The following SNRK variants were observed in gnomAD, a reference collection of about 807,000 sequenced individuals.
SNRK encodes the protein SNF-related serine/threonine-protein kinase.
SNRK carries 3 observed loss-of-function variants against 48.2 expected under a neutral mutation model. That is an observed-to-expected ratio of 0.06 (90% CI 0.03 to 0.16). The LOEUF (loss-of-function observed/expected upper bound fraction) is 0.16, where lower values mean the gene tolerates loss of function less well. SNRK is among the 10% of genes least tolerant of loss of function. The pLI is 1.00. For missense variants in SNRK, 627 were observed against 976.0 expected (o/e 0.64, Z 4.76); for synonymous variants, 376 against 366.1 (o/e 1.03, Z -0.31).
chr3:43,318,792 G>A lies in SNRK; in HGVS notation c.590-13377G>A, dbSNP rs2091031859. Among the ~76,000 whole-genome samples the A allele has an allele frequency of 2.0e-5, 3 of 152,064 alleles. 1 individual carries two copies. Among genetic ancestry groups the A allele is most frequent in the South Asian group, 2.1e-4 (1 of 4,828 alleles). ...TTTAATCGCAGCACTTTGGGAGGCC[G>A]AGGCAGGTGAATCACATGAAGCCAG... On this transcript the variant is annotated intron_variant, in intron 3 of 6. Transcript: ENST00000296088.
intron 1 of SNRK, among the ~76,000 whole-genome samples, chr3:43,294,885 C>T (rs2090840683): frequency 6.6e-6 from 1 of 152,056 alleles, no homozygotes; most frequent in Non-Finnish European, 1.5e-5. Flanking sequence ...TTAAAATTCT[C>T]CATAACTTAA....
rs1040004988 is a variant in SNRK, at chr3:43,318,018, A to G, written c.590-14151A>G. Among the ~76,000 whole-genome samples the G allele has an allele frequency of 5.3e-5, 8 of 152,206 alleles. No individual in the cohort carries two copies. The South Asian group carries it at 6.2e-4, about 12-fold the overall frequency. ...CAGTGCTGCTGCTTTGGGAAACGTCATGGGATGCTTTATGTTTCTATGGTG... is the reference window on the plus strand; with the variant it reads ...CAGTGCTGCTGCTTTGGGAAACGTCGTGGGATGCTTTATGTTTCTATGGTG... On this transcript the variant is annotated intron_variant, in intron 3 of 6. Coordinates refer to ENST00000296088, the MANE Select transcript of SNRK (RefSeq NM_017719.5).
intron 3 of SNRK, among the ~76,000 whole-genome samples, chr3:43,304,953 A>C (rs1428104890): frequency 6.6e-6 from 1 of 152,180 alleles, no homozygotes; most frequent in Non-Finnish European, 1.5e-5. Flanking sequence ...TAATGGAGCC[A>C]TTCTAATCAG....
chr3:43,340,019 GA>G (rs1393822669), intron 4 of SNRK, among the ~76,000 whole-genome samples: 1 of 151,402 alleles, frequency 6.6e-6, no homozygotes, highest in Admixed American at 6.6e-5. Context: ...GTTAATTCAA[GA>G]ACAGATGTTG....
chr3:43,313,084 A>C (rs909564838), intron 3 of SNRK, among the ~76,000 whole-genome samples: 2 of 152,238 alleles, frequency 1.3e-5, no homozygotes, highest in Non-Finnish European at 2.9e-5. Flanking sequence ...AAGAACCTAG[A>C]ATAACTAAAA....
chr3:43,318,545 CTT>C (rs56922397), intron 3 of SNRK, among the ~76,000 whole-genome samples: 275 of 145,386 alleles, frequency 1.9e-3, no homozygotes, highest in Middle Eastern at 3.6e-3. Flanking sequence ...ATTAAATTTT[CTT>C]TTTTTTTTTT....
intron 3 of SNRK, among the ~76,000 whole-genome samples, chr3:43,317,146 A>G (rs1252427559): frequency 6.6e-6 from 1 of 152,250 alleles, no homozygotes; most frequent in Admixed American, 6.5e-5. Context: ...TAATATTTAT[A>G]TAAATTTCAA....
intron 4 of SNRK, among the ~76,000 whole-genome samples, chr3:43,335,854 T>C (rs2091183773): frequency 6.6e-6 from 1 of 152,220 alleles, no homozygotes; most frequent in Non-Finnish European, 1.5e-5. Context: ...CAGTCTGTGT[T>C]GTCTAATTTC....
intron 1 of SNRK, chr3:43,289,665 T>G (rs2090794796): frequency 6.5e-6 from 1 of 152,750 alleles, no homozygotes; most frequent in African/African-American, 2.4e-5. Context: ...TTGCTGGTGG[T>G]AGGGAAGGAA....
intron 3 of SNRK, among the ~76,000 whole-genome samples, chr3:43,304,712 C>CAAATGCAAATGCATTCATACACA (rs2090924119): frequency 6.6e-6 from 1 of 151,904 alleles, no homozygotes; most frequent in African/African-American, 2.4e-5. Flanking sequence ...GAGTATTCTG[C>CAAATGCAAATGCATTCATACACA]TTGCATTTGT....
intron 4 of SNRK, among the ~76,000 whole-genome samples, chr3:43,338,631 A>G (rs2125644044): frequency 6.6e-6 from 1 of 151,944 alleles, no homozygotes; most frequent in Non-Finnish European, 1.5e-5. Context: ...TCATTTTCTC[A>G]TTTCCCTCAC....
rs1342729138 is a variant in SNRK at position 43,349,456 on chromosome 3, A to C, written c.*899A>C. ...ACAGAAGGTGCACACAAATGTTGGC[A>C]AAGTCAAAACCCCATGAATTAAAAC... On this transcript the variant is annotated 3_prime_UTR_variant, in exon 7 of 7. Coordinates refer to ENST00000296088, the MANE Select transcript of SNRK (RefSeq NM_017719.5). 1 of 151,910 alleles carries C rather than the reference A, an allele frequency of 6.6e-6. No homozygotes were observed. The highest frequency in any genetic ancestry group is 1.5e-5 in the Non-Finnish European group (1 of 68,040). 9.4% of individuals were successfully genotyped at this position (151,910 alleles called of 1,614,324 possible). A position where few individuals can be genotyped will look rare whatever the true frequency, so the allele number is the denominator to read the frequency against.
Position 43,340,752 on chromosome 3 carries a change from T to C in SNRK, c.944+253T>C, listed in dbSNP as rs1177135750. 37 of 488,724 alleles carry C rather than the reference T, an allele frequency of 7.6e-5. 1 individual carries two copies. In the South Asian group the frequency reaches 8.9e-4, roughly 12 times the overall value. The allele number at this position is 488,724 out of a possible 1,614,324, so 30.3% of individuals were successfully genotyped here. The stretch of plus-strand genomic sequence containing the variant: ...GTGAGTGCTGTGGCCTTTTCCCCAT[T>C]CTATAGGGGTGGAATGAAACAGCTT... On this transcript the variant is annotated intron_variant, in intron 5 of 6. Transcript: ENST00000296088.
intron 4 of SNRK, among the ~76,000 whole-genome samples, chr3:43,334,804 G>A (rs2091174309): frequency 6.6e-6 from 1 of 152,090 alleles, no homozygotes. Flanking sequence ...ATGTTGGCCG[G>A]GATGGTCTCA....
At chr3:43,320,930 GT>G (rs11327863) in intron 3 of SNRK, among the ~76,000 whole-genome samples, 127,211 of 133,610 alleles carry the variant, frequency 0.95, 60,602 homozygotes, top group South Asian at 0.99. Flanking sequence ...TTTTTTCAAG[GT>G]TTTTTTTTTT....
rs1286699619 is a variant in SNRK, at chr3:43,303,608, G to A, written c.405G>A (p.Val135=). ...HAISYCHKLH[V]VHRDLKPENV... is the part of the protein sequence containing the mutation. ...TATCTTATTGCCATAAACTCCATGTGGTTCACAGAGACTTAAAACCAGAGA... is the reference window on the plus strand; with the variant it reads ...TATCTTATTGCCATAAACTCCATGTAGTTCACAGAGACTTAAAACCAGAGA... Residue 135 remains valine, a synonymous_variant, in exon 3 of 7, where the codon GTG becomes GTA. Transcript: ENST00000296088. This position sits in a 1 kb window ranked among gnomAD's most constrained non-coding sequence, Gnocchi z 6.2. 1.9e-6 allele frequency: 3 copies of A among 1,614,072 alleles called. No individual in the cohort carries two copies. The Admixed American group carries it at 5.0e-5, about 27-fold the overall frequency.
At chr3:43,312,814 G>A (rs892347025) in intron 3 of SNRK, among the ~76,000 whole-genome samples, 3 of 152,138 alleles carry the variant, frequency 2.0e-5, no homozygotes, top group Non-Finnish European at 4.4e-5. Context: ...AACATGTAGA[G>A]ACTGAAATTT....
At chr3:43,336,304 C>A (rs2091188096) in intron 4 of SNRK, among the ~76,000 whole-genome samples, 1 of 90,568 alleles carries the variant, frequency 1.1e-5, no homozygotes, top group African/African-American at 3.0e-5. Context: ...CCCTCCCTTG[C>A]TCTCTCCCTC....
chr3:43,340,238 G>T, intron 4 of SNRK, 49 bp from the exon 5 acceptor site: 1 of 1,408,678 alleles, frequency 7.1e-7, no homozygotes, highest in South Asian at 1.2e-5. Flanking sequence ...CATCATTACT[G>T]ATCCTTGCAA....
Sources: allele counts gnomAD v4.1 joint callset (sites outside exome capture counted in the v4.1 genomes callset), GRCh38; gene constraint gnomAD v4.1.1; non-coding constraint Gnocchi (gnomAD v3.1); transcripts MANE v1.5; gene names NCBI Gene and HGNC (gene_info 2026-07-23, HGNC 2026-07-21).